The following DAB2IP variants were observed in gnomAD, a reference collection of about 807,000 sequenced individuals.
The protein encoded by DAB2IP is DAB2 interacting protein, also known as disabled homolog 2-interacting protein.
In DAB2IP, 28 loss-of-function variants were observed where a neutral mutation model predicts 107.2. That is an observed-to-expected ratio of 0.26 (90% confidence interval 0.19 to 0.36). DAB2IP has a LOEUF of 0.36. Ranked by LOEUF, DAB2IP falls within the 10% of genes least tolerant of loss-of-function variation. The pLI, the probability that DAB2IP is intolerant of heterozygous loss-of-function variation, is 1.00. For synonymous variants in DAB2IP, 755 were observed against 706.4 expected, an observed-to-expected ratio of 1.07 and a Z score of -1.09; for missense variants, 1,400 against 1,644.7, an observed-to-expected ratio of 0.85 and a Z score of 2.57.
At chr9:121,629,813 G>C (rs533017452) in intron 1 of DAB2IP, among the ~76,000 whole-genome samples, 19 of 152,166 alleles carry the variant, frequency 1.2e-4, no homozygotes, top group Non-Finnish European at 2.8e-4. Flanking sequence ...GGCCTCGGCA[G>C]CCAGCTAGAG....
At chr9:121,753,260 G>A in intron 3 of DAB2IP, among the ~76,000 whole-genome samples, 1 of 152,162 alleles carries the variant, frequency 6.6e-6, no homozygotes, top group East Asian at 1.9e-4. Flanking sequence ...TGATTTGCAG[G>A]GGTGGAATCC....
At chr9:121,757,275 C>A in intron 4 of DAB2IP, 109 bp downstream of exon 4, 1 of 1,436,270 alleles carries the variant, frequency 7.0e-7, no homozygotes, top group East Asian at 2.4e-5. Flanking sequence ...CAGCAGGGGC[C>A]AGGGTCTTGG....
rs745314375 is a variant in DAB2IP, at chr9:121,776,346, G to A, written c.3269G>A (p.Arg1090Gln). The change falls in exon 14 of 16, where the codon CGG becomes CAG. Residue 1090 changes from arginine (R) to glutamine (Q), a missense_variant. By Grantham distance (43) the Arg-to-Gln change is conservative. Around this residue, in one of 3 missense-constraint regions of DAB2IP, gnomAD observed 600 missense variants for 659.1 expected, o/e 0.91. Coordinates refer to ENST00000408936, the Ensembl canonical transcript of DAB2IP. The surrounding 1 kb of genome is among the most constrained non-coding windows in gnomAD (Gnocchi z 5.4). Reference sequence around the variant, plus strand: ...GAGGAGGGCGAGGAGCGGCTGCGGCGGCAGCAGGAGGACAAGGACATCCAG... The same window carrying A: ...GAGGAGGGCGAGGAGCGGCTGCGGCAGCAGCAGGAGGACAAGGACATCCAG... The A allele has an allele frequency of 1.9e-5, 29 of 1,552,736 alleles. No homozygotes were observed. In the East Asian group the frequency reaches 2.4e-4, roughly 13 times the overall value.
intron 1 of DAB2IP, among the ~76,000 whole-genome samples, chr9:121,637,946 G>A (rs1832147769): frequency 6.6e-6 from 1 of 152,164 alleles, no homozygotes; most frequent in Non-Finnish European, 1.5e-5. Flanking sequence ...GATGCACGAG[G>A]CCCAGGGGTC....
intron 1 of DAB2IP, among the ~76,000 whole-genome samples, chr9:121,626,416 C>T (rs546715945): frequency 1.1e-4 from 14 of 132,728 alleles, no homozygotes; most frequent in South Asian, 5.0e-4. Context: ...AAACTTCAGA[C>T]GAGAAACCTT....
chr9:121,755,063 G>T (rs1422856490), intron 3 of DAB2IP, among the ~76,000 whole-genome samples: 1 of 152,192 alleles, frequency 6.6e-6, no homozygotes, highest in Non-Finnish European at 1.5e-5. Flanking sequence ...AGGGAGGCCT[G>T]GAGTCCACCC....
intron 1 of DAB2IP, among the ~76,000 whole-genome samples, chr9:121,626,747 C>G (rs1831662967): frequency 6.6e-6 from 1 of 152,042 alleles, no homozygotes. Flanking sequence ...TGACAGCACC[C>G]CCTGGTTTGA....
chr9:121,738,571 C>T (rs1162219840), intron 3 of DAB2IP, among the ~76,000 whole-genome samples: 1 of 152,176 alleles, frequency 6.6e-6, no homozygotes, highest in Non-Finnish European at 1.5e-5. Flanking sequence ...CCTAACTTCT[C>T]AGGCCTGCAG....
At position 121,748,392 on chromosome 9, in the gene DAB2IP, C is replaced by T. The variant is rs114483203; in HGVS notation, c.363-8621C>T. Among the ~76,000 whole-genome samples, 988 of 152,314 alleles carry T rather than the reference C, an allele frequency of 6.5e-3. 7 individuals are homozygous for T. Among genetic ancestry groups the T allele is most frequent in the African/African-American group, 0.023 (949 of 41,580 alleles). On this transcript the variant is annotated intron_variant, in intron 3 of 15. Coordinates refer to ENST00000408936, the Ensembl canonical transcript of DAB2IP. ...AGTGTCCCACAGAGGGTGACCAGGC[C>T]GTTAGAACCCCAGCTTTCACTTCTG... is the stretch of plus-strand genomic sequence containing the variant.
chr9:121,613,560 G>T (rs557042020), intron 1 of DAB2IP, among the ~76,000 whole-genome samples: 2 of 152,222 alleles, frequency 1.3e-5, no homozygotes, highest in African/African-American at 4.8e-5. Context: ...CCCCTGAGAG[G>T]TTCGCTTCCT....
intron 3 of DAB2IP, among the ~76,000 whole-genome samples, chr9:121,744,877 AGAC>A (rs1202433948): frequency 6.6e-6 from 1 of 152,210 alleles, no homozygotes; most frequent in African/African-American, 2.4e-5. Context: ...AGCCAGGCGT[AGAC>A]GGATAGGCTG....
intron 2 of DAB2IP, among the ~76,000 whole-genome samples, chr9:121,682,517 C>T (rs551142723): frequency 6.6e-6 from 1 of 152,166 alleles, no homozygotes; most frequent in South Asian, 2.1e-4. Context: ...TTGTTTACAC[C>T]ATCACATGCC....
chr9:121,750,197 G>C (rs1220401460), intron 3 of DAB2IP, among the ~76,000 whole-genome samples: 1 of 152,210 alleles, frequency 6.6e-6, no homozygotes, highest in Non-Finnish European at 1.5e-5. Context: ...AAGTATCCAA[G>C]GTTGTATATT....
intron 1 of DAB2IP, among the ~76,000 whole-genome samples, chr9:121,661,372 C>T (rs1299288303): frequency 6.6e-6 from 1 of 152,058 alleles, no homozygotes; most frequent in Non-Finnish European, 1.5e-5. Flanking sequence ...CACCTGGTAT[C>T]TAGAAACCTG....
intron 1 of DAB2IP, among the ~76,000 whole-genome samples, chr9:121,675,995 G>T (rs937876569): frequency 1.3e-5 from 2 of 152,250 alleles, no homozygotes; most frequent in Non-Finnish European, 2.9e-5. Context: ...TTCTAAGCAG[G>T]AAGCACCGTG....
chr9:121,643,173 T>C (rs1205886135), intron 1 of DAB2IP, among the ~76,000 whole-genome samples: 1 of 152,116 alleles, frequency 6.6e-6, no homozygotes, highest in Non-Finnish European at 1.5e-5. Context: ...TCAGGGATGC[T>C]GGGAGTGGGG....
chr9:121,616,662 T>C (rs1399110510), intron 1 of DAB2IP, among the ~76,000 whole-genome samples: 2 of 152,148 alleles, frequency 1.3e-5, no homozygotes, highest in African/African-American at 2.4e-5. Flanking sequence ...TGAAGGGAAG[T>C]AAGGAGTTGA....
intron 1 of DAB2IP, among the ~76,000 whole-genome samples, chr9:121,601,478 A>G (rs1267924840): frequency 1.3e-5 from 2 of 152,080 alleles, no homozygotes; most frequent in East Asian, 3.9e-4. Context: ...TGTCTCTATG[A>G]CTTCTATCCA....
At chr9:121,611,728 G>C (rs1831103170) in intron 1 of DAB2IP, among the ~76,000 whole-genome samples, 1 of 152,028 alleles carries the variant, frequency 6.6e-6, no homozygotes, top group African/African-American at 2.4e-5. Flanking sequence ...AGGATTATAG[G>C]TGTGTGCCAC....
Sources: allele counts gnomAD v4.1 joint callset (sites outside exome capture counted in the v4.1 genomes callset), GRCh38; gene constraint gnomAD v4.1.1; regional missense constraint gnomAD v4.1.1; non-coding constraint Gnocchi (gnomAD v3.1); transcripts MANE v1.5; gene names NCBI Gene and HGNC (gene_info 2026-07-23, HGNC 2026-07-21).